The following TRPM3 variants were observed in gnomAD, a reference collection of about 807,000 sequenced individuals.
TRPM3 encodes the protein long transient receptor potential channel 3.
Under a neutral mutation model 181.2 loss-of-function variants are expected in TRPM3, and 77 were observed. The observed-to-expected ratio is 0.42, with a 90% CI of 0.35 to 0.51. The LOEUF (loss-of-function observed/expected upper bound fraction) is 0.51, where lower values mean the gene tolerates loss of function less well. TRPM3 is among the 20% of genes least tolerant of loss of function. The pLI, the probability that TRPM3 is intolerant of heterozygous loss-of-function variation, is 0.01. For synonymous variants in TRPM3, 745 were observed against 796.4 expected (o/e 0.94, Z 1.09); for missense variants, 1,759 against 2,196.7 (o/e 0.80, Z 3.98).
At chr9:70,624,837 C>T (rs1342279185) in intron 14 of TRPM3, among the ~76,000 whole-genome samples, 1 of 152,108 alleles carries the variant, frequency 6.6e-6, no homozygotes, top group Non-Finnish European at 1.5e-5. Context: ...TTTATGTTAA[C>T]ATATAATGGG....
intron 21 of TRPM3, among the ~76,000 whole-genome samples, chr9:70,592,818 C>G (rs1021060808): frequency 6.6e-6 from 1 of 152,108 alleles, no homozygotes; most frequent in Admixed American, 6.5e-5. Flanking sequence ...GCAACCTCAG[C>G]CTCCCGGGTT....
At chr9:71,405,660 G>C (rs893741972) in intron 1 of TRPM3, among the ~76,000 whole-genome samples, 2 of 152,096 alleles carry the variant, frequency 1.3e-5, no homozygotes, top group Admixed American at 1.3e-4. Context: ...AATTCTAATT[G>C]TTTTGTAATA....
chr9:70,623,530 C>T (rs900180889), intron 14 of TRPM3, among the ~76,000 whole-genome samples: 3 of 152,174 alleles, frequency 2.0e-5, no homozygotes, highest in African/African-American at 7.2e-5. Flanking sequence ...ACCATCTTGA[C>T]ATTTGTACTA....
intron 9 of TRPM3, among the ~76,000 whole-genome samples, chr9:70,646,886 A>AC (rs1386982073): frequency 2.3e-5 from 3 of 130,174 alleles, no homozygotes; most frequent in Admixed American, 7.4e-5. Flanking sequence ...AAAAAAAAAA[A>AC]AAAAACCCTC....
At chr9:71,151,301 G>C (rs1255345144) in intron 1 of TRPM3, among the ~76,000 whole-genome samples, 1 of 151,872 alleles carries the variant, frequency 6.6e-6, no homozygotes, top group Admixed American at 6.6e-5. Flanking sequence ...TGAATCAAAA[G>C]AATACCAACA....
At chr9:71,305,220 G>A (rs1354906696) in intron 1 of TRPM3, among the ~76,000 whole-genome samples, 2 of 152,140 alleles carry the variant, frequency 1.3e-5, no homozygotes, top group Admixed American at 6.5e-5. Context: ...TGTTTTAAAA[G>A]GTTTAATTAT....
intron 25 of TRPM3, among the ~76,000 whole-genome samples, chr9:70,545,875 C>G (rs954871813): frequency 2.6e-5 from 4 of 152,166 alleles, no homozygotes; most frequent in African/African-American, 9.7e-5. Flanking sequence ...AAGTCTTTTC[C>G]TGTATTCATT....
At chr9:71,123,701 C>T (rs1401430115), upstream of TRPM3, among the ~76,000 whole-genome samples, 1 of 152,224 alleles carries the variant, frequency 6.6e-6, no homozygotes, top group African/African-American at 2.4e-5. Flanking sequence ...TGGGAGACTG[C>T]AAGGGCAGCG....
rs547171375 is a variant in TRPM3 at position 71,347,222 on chromosome 9, A to G, written c.183+99431T>C. 6.6e-5 allele frequency among the ~76,000 whole-genome samples: 10 copies of G among 152,346 alleles called. 1 individual carries two copies. Among genetic ancestry groups the G allele is most frequent in the South Asian group, 6.2e-4 (3 of 4,826 alleles). On this transcript the variant is annotated intron_variant, in intron 1 of 24. Transcript: ENST00000357533. ...AATAATGTTGCTAGAAAGGTTAACC[A>G]TGATAGCAAATGTAAAAATGTTGAT...
chr9:71,112,203 C>G (rs2071262903), intron 1 of TRPM3, among the ~76,000 whole-genome samples: 1 of 152,140 alleles, frequency 6.6e-6, no homozygotes, highest in Non-Finnish European at 1.5e-5. Context: ...ATCTATTTTA[C>G]AATGTAACCC....
intron 8 of TRPM3, among the ~76,000 whole-genome samples, chr9:70,698,890 C>G (rs1482144548): frequency 6.6e-6 from 1 of 152,276 alleles, no homozygotes; most frequent in East Asian, 1.9e-4. Flanking sequence ...GAGGCCTCCC[C>G]AGAAGCAGAT....
chr9:70,851,805 C>A (rs2095239206), intron 3 of TRPM3, among the ~76,000 whole-genome samples: 1 of 151,948 alleles, frequency 6.6e-6, no homozygotes, highest in East Asian at 1.9e-4. Context: ...TCTCTCTGCT[C>A]ACAATTACTT....
At chr9:71,379,633 A>G (rs565283494) in intron 1 of TRPM3, among the ~76,000 whole-genome samples, 10 of 152,104 alleles carry the variant, frequency 6.6e-5, no homozygotes, top group Non-Finnish European at 1.3e-4. Flanking sequence ...ACCTTCCAGG[A>G]TGACTCTCAA....
At chr9:71,025,780 C>T (rs76574765) in intron 1 of TRPM3, among the ~76,000 whole-genome samples, 1 of 152,238 alleles carries the variant, frequency 6.6e-6, no homozygotes, top group East Asian at 1.9e-4. Context: ...TCCAAGATGT[C>T]CAACTAAACA....
chr9:70,869,099 A>G (rs950308927), intron 1 of TRPM3: 1 of 975,902 alleles, frequency 1.0e-6, no homozygotes, highest in Non-Finnish European at 1.2e-6. Flanking sequence ...ATGACCGCCC[A>G]CTGGAAAAAA....
At chr9:71,199,255 T>G (rs2078615194) in intron 1 of TRPM3, among the ~76,000 whole-genome samples, 1 of 151,790 alleles carries the variant, frequency 6.6e-6, no homozygotes, top group Non-Finnish European at 1.5e-5. Context: ...CTTTTTGATG[T>G]GCTGCTGGAT....
chr9:71,227,534 C>T (rs551322755), intron 1 of TRPM3, among the ~76,000 whole-genome samples: 88 of 151,378 alleles, frequency 5.8e-4, no homozygotes, highest in Non-Finnish European at 9.6e-4. Context: ...ATAAAAAGAG[C>T]GATGGAACAA....
At chr9:70,877,777 G>A (rs540875966) in intron 1 of TRPM3, among the ~76,000 whole-genome samples, 6 of 143,924 alleles carry the variant, frequency 4.2e-5, no homozygotes, top group East Asian at 4.0e-4. Context: ...TTCCGTTGGC[G>A]ACCTAAGTGC....
chr9:71,407,245 C>T (rs1055402461), intron 1 of TRPM3, among the ~76,000 whole-genome samples: 2 of 152,100 alleles, frequency 1.3e-5, no homozygotes, highest in Non-Finnish European at 2.9e-5. Flanking sequence ...GGGTGCAGCC[C>T]ATGAAGTGTG....
Sources: allele counts gnomAD v4.1 joint callset (sites outside exome capture counted in the v4.1 genomes callset), GRCh38; gene constraint gnomAD v4.1.1; transcripts MANE v1.5; gene names NCBI Gene and HGNC (gene_info 2026-07-23, HGNC 2026-07-21).